The following SERPINE2 variants were observed in gnomAD, a reference collection of about 807,000 sequenced individuals.
SERPINE2 encodes serpin family E member 2.
SERPINE2 carries 14 observed loss-of-function variants against 36.3 expected under a neutral mutation model. The observed-to-expected ratio is 0.39, with a 90% confidence interval of 0.25 to 0.60. The LOEUF is 0.60. Ranked by LOEUF, SERPINE2 falls within the 20% of genes least tolerant of loss-of-function variation. The probability of loss-of-function intolerance (pLI) is 0.57; values close to 1 mark genes in which losing one functional copy is unlikely to be tolerated. For missense variants in SERPINE2, 418 were observed against 499.6 expected (o/e 0.84, Z 1.56); for synonymous variants, 192 against 191.8 (o/e 1.00, Z -0.01).
intron 1 of SERPINE2, chr2:224,038,438 A>G (rs375701817): frequency 6.6e-7 from 1 of 1,507,488 alleles, no homozygotes. Flanking sequence ...TTGTGGACAC[A>G]TTAAATGCCT....
chr2:223,975,840 C>T lies in SERPINE2; in HGVS notation c.*27G>A, dbSNP rs1284875730. 1 of 1,551,790 alleles carries T rather than the reference C, an allele frequency of 6.4e-7. No homozygotes were observed. ...TTTCTTCGTAGCAAAGTAGTCGTTGCTTTGCATGGTTTCTTTTGTATACTC... is the reference window on the plus strand; with the variant it reads ...TTTCTTCGTAGCAAAGTAGTCGTTGTTTTGCATGGTTTCTTTTGTATACTC... On this transcript the variant is annotated 3_prime_UTR_variant, in exon 9 of 9. Transcript: ENST00000409304.
intron 4 of SERPINE2, chr2:223,985,192 G>A (rs547476043): frequency 2.0e-6 from 1 of 510,754 alleles, no homozygotes; most frequent in African/African-American, 1.9e-5. Flanking sequence ...CTTTAATTCT[G>A]TTAAGGAGAA....
chr2:223,989,095 AC>A (rs1191892956), intron 4 of SERPINE2, among the ~76,000 whole-genome samples: 3 of 152,218 alleles, frequency 2.0e-5, no homozygotes, highest in African/African-American at 7.2e-5. Context: ...ATGGAGGTAT[AC>A]TGAGGATTTT....
chr2:224,014,062 G>A (rs1209538946), intron 1 of SERPINE2: 2 of 152,292 alleles, frequency 1.3e-5, no homozygotes, highest in South Asian at 2.1e-4. Context: ...CTCCCAAATA[G>A]AGAAGCCTTG....
rs1486553204 is a variant in SERPINE2, at chr2:224,001,219, C to T, written c.259+423G>A. Among the ~76,000 whole-genome samples the T allele has an allele frequency of 2.6e-5, 4 of 152,322 alleles. No homozygotes were observed. In the East Asian group the frequency reaches 5.8e-4, roughly 22 times the overall value. ...TGTGGCCACCACCACAATCAAGACC[C>T]AGGATGGCTCCATCACTACGAGGCC... On this transcript the variant is annotated intron_variant, in intron 2 of 8. Coordinates refer to ENST00000409304, the MANE Select transcript of SERPINE2 (RefSeq NM_001136528.2).
At chr2:224,038,564 TA>T in intron 1 of SERPINE2, 1 of 1,524,518 alleles carries the variant, frequency 6.6e-7, no homozygotes, top group Non-Finnish European at 8.9e-7. Context: ...TCGCTCGGGT[TA>T]AATCGGCTGC....
intron 1 of SERPINE2, among the ~76,000 whole-genome samples, chr2:224,015,684 T>C (rs943794128): frequency 6.6e-6 from 1 of 152,196 alleles, no homozygotes. Context: ...ATGGCTCTCT[T>C]TCTCACCACC....
Position 223,984,887 on chromosome 2 carries a change from C to T in SERPINE2, c.749G>A (p.Ser250Asn), listed in dbSNP as rs1690367244. The change falls in exon 5 of 9, where the codon AGC (serine) becomes AAC (asparagine). Residue 250 changes from serine (S) to asparagine (N), a missense_variant. Ser to Asn is a conservative substitution (Grantham distance 46). Transcript: ENST00000409304. ...NFIELPYHGE[S>N]ISMLIALPTE... The stretch of plus-strand genomic sequence containing the variant: ...CGGCAGTGCAATCAGCATGCTGATG[C>T]TTTCCCCGTGGTAGGGCAGTTCAAT... 1.2e-6 allele frequency: 2 copies of T among 1,614,090 alleles called. No individual in the cohort carries two copies. The highest frequency in any genetic ancestry group is 2.2e-5 in the East Asian group (1 of 44,900).
At chr2:223,982,988 T>C (rs894944050) in intron 5 of SERPINE2, among the ~76,000 whole-genome samples, 4 of 152,216 alleles carry the variant, frequency 2.6e-5, no homozygotes, top group African/African-American at 9.7e-5. Context: ...AAATGAGTCA[T>C]ATGTACTAAC....
intron 1 of SERPINE2, among the ~76,000 whole-genome samples, chr2:224,013,269 T>C (rs932977641): frequency 1.3e-5 from 2 of 152,198 alleles, no homozygotes; most frequent in African/African-American, 4.8e-5. Flanking sequence ...ACTGCCAAAG[T>C]GGTGCTCTCA....
At chr2:224,038,467 T>A (rs1180710193) in intron 1 of SERPINE2, 1 of 1,549,906 alleles carries the variant, frequency 6.5e-7, no homozygotes, top group Admixed American at 2.0e-5. Flanking sequence ...CCAGAATTTC[T>A]GAGTACCGTA....
At chr2:224,037,238 C>T (rs1692564588) in intron 1 of SERPINE2, among the ~76,000 whole-genome samples, 1 of 152,064 alleles carries the variant, frequency 6.6e-6, no homozygotes. Context: ...TGGGGGAGGA[C>T]GTGAGGAGAT....
At chr2:223,997,223 TTTG>T (rs1005461280) in intron 3 of SERPINE2, among the ~76,000 whole-genome samples, 5 of 152,218 alleles carry the variant, frequency 3.3e-5, no homozygotes, top group South Asian at 2.1e-4. Flanking sequence ...TTTGTTTCTT[TTTG>T]TTGTTGTTGT....
chr2:224,019,765 TAAAAAA>T (rs778718363), intron 1 of SERPINE2, among the ~76,000 whole-genome samples: 3,343 of 137,662 alleles, frequency 0.024, 96 homozygotes, highest in African/African-American at 0.053. Context: ...TTTTTTTTTT[TAAAAAA>T]AAAAAAAGAA....
At chr2:224,036,309 G>GA (rs1433871132) in intron 1 of SERPINE2, among the ~76,000 whole-genome samples, 1 of 148,204 alleles carries the variant, frequency 6.7e-6, no homozygotes, top group Non-Finnish European at 1.5e-5. Flanking sequence ...GAGGAATAAG[G>GA]AAAACCAGAA....
At chr2:223,997,699 G>C (rs906024694) in intron 3 of SERPINE2, among the ~76,000 whole-genome samples, 2 of 152,230 alleles carry the variant, frequency 1.3e-5, no homozygotes, top group Non-Finnish European at 2.9e-5. Flanking sequence ...GGCAATGGCA[G>C]AAGCAAGAGG....
chr2:223,988,379 C>T (rs897702686), intron 4 of SERPINE2, among the ~76,000 whole-genome samples: 4 of 151,392 alleles, frequency 2.6e-5, no homozygotes, highest in African/African-American at 4.9e-5. Flanking sequence ...GCTATGTTGC[C>T]GAGGATCATC....
At chr2:223,984,119 G>A (rs1194125517) in intron 5 of SERPINE2, among the ~76,000 whole-genome samples, 1 of 151,874 alleles carries the variant, frequency 6.6e-6, no homozygotes, top group Non-Finnish European at 1.5e-5. Flanking sequence ...TGGGAAGGCA[G>A]CAATGTTGAA....
intron 1 of SERPINE2, chr2:224,031,281 C>T: frequency 4.1e-6 from 4 of 985,366 alleles, no homozygotes; most frequent in Non-Finnish European, 4.8e-6. Context: ...ACTGCGTGAC[C>T]GTGGACCCTT....
Sources: gnomAD v4.1 joint callset for allele counts (sites outside exome capture counted in the v4.1 genomes callset) on GRCh38, gnomAD v4.1.1 for gene constraint, MANE v1.5 for transcripts, NCBI Gene and HGNC (gene_info 2026-07-23, HGNC 2026-07-21) for gene names.